Variants in KLHDC4 observed in about 807,000 individuals in gnomAD.
KLHDC4 encodes the protein kelch domain containing 4, also known as kelch domain-containing protein 4.
In KLHDC4, 90 loss-of-function variants were observed where a neutral mutation model predicts 62.4. The observed-to-expected ratio is 1.44, with a 90% CI of 1.22 to 1.72. The LOEUF is 1.72. KLHDC4 is among the 40% of genes most tolerant of loss of function. The pLI, the probability that KLHDC4 is intolerant of heterozygous loss-of-function variation, is 0.00. For missense variants in KLHDC4, 1,025 were observed against 699.7 expected, an observed-to-expected ratio of 1.47 and a Z score of -5.25; for synonymous variants, 386 against 284.4, an observed-to-expected ratio of 1.36 and a Z score of -3.59.
chr16:87,711,501 G>A lies in KLHDC4; in HGVS notation c.836-58C>T, dbSNP rs149401462. 1.4e-4 allele frequency: 213 copies of A among 1,470,784 alleles called. 1 individual carries two copies. In the East Asian group the frequency reaches 4.8e-3, roughly 33 times the overall value. The allele number at this position is 1,470,784 out of a possible 1,614,324, so 91.1% of individuals were successfully genotyped here. On this transcript the variant is annotated intron_variant, in intron 8 of 11. Transcript: ENST00000270583. Reference sequence around the variant, plus strand: ...ACACAAGGAAGGACCCTGAGAGCCAGCCCAGGACACGCTCAGGACCCCAGG... The same window carrying A: ...ACACAAGGAAGGACCCTGAGAGCCAACCCAGGACACGCTCAGGACCCCAGG...
At chr16:87,720,288 T>G (rs185807639) in intron 7 of KLHDC4, among the ~76,000 whole-genome samples, 1 of 152,176 alleles carries the variant, frequency 6.6e-6, no homozygotes, top group East Asian at 1.9e-4. Context: ...GCAGCACTGA[T>G]GTTCACCGAA....
In KLHDC4 at chr16:87,708,049, T is replaced by G; in HGVS notation, c.*28A>C. ...CCTGGGCGGACGTGGGCACAGCACT[T>G]GCCAGGCGCCCCTGGCAGGGGCTCT... On this transcript the variant is annotated 3_prime_UTR_variant, in exon 12 of 12. Coordinates refer to ENST00000270583, the MANE Select transcript of KLHDC4 (RefSeq NM_017566.4). 1.9e-6 allele frequency: 1 copy of G among 535,478 alleles called. No homozygotes were observed. Among genetic ancestry groups the G allele is most frequent in the Admixed American group, 2.2e-5 (1 of 44,658 alleles). The allele number at this position is 535,478 out of a possible 1,614,324, so 33.2% of individuals were successfully genotyped here.
intron 5 of KLHDC4, among the ~76,000 whole-genome samples, chr16:87,743,857 T>TA (rs1263162181): frequency 1.3e-5 from 2 of 152,048 alleles, no homozygotes; most frequent in East Asian, 1.9e-4. Context: ...CTTAAATAAA[T>TA]AAAAAAACCA....
chr16:87,757,519 T>A (rs953108161), intron 2 of KLHDC4: 1 of 149,936 alleles, frequency 6.7e-6, no homozygotes. Context: ...ATGCCAGATA[T>A]CTTCCATCTA....
At chr16:87,735,413 G>A (rs1419963245) in intron 5 of KLHDC4, among the ~76,000 whole-genome samples, 2 of 152,126 alleles carry the variant, frequency 1.3e-5, no homozygotes, top group African/African-American at 4.8e-5. Flanking sequence ...AACCAGCGAG[G>A]GAACACAGGC....
chr16:87,715,797 C>T (rs1305052975), intron 7 of KLHDC4, among the ~76,000 whole-genome samples: 2 of 152,232 alleles, frequency 1.3e-5, no homozygotes, highest in Non-Finnish European at 2.9e-5. Context: ...GACAGTTTCT[C>T]TTCAGCTCTA....
chr16:87,743,066 C>G (rs897529776), intron 5 of KLHDC4: 7 of 152,332 alleles, frequency 4.6e-5, no homozygotes, highest in African/African-American at 1.7e-4. Flanking sequence ...GGAGAACCAT[C>G]AGACATGAGG....
chr16:87,754,049 A>G (rs1462349134), intron 4 of KLHDC4, among the ~76,000 whole-genome samples: 3 of 151,406 alleles, frequency 2.0e-5, no homozygotes, highest in Non-Finnish European at 4.4e-5. Flanking sequence ...CTGAGGCAGG[A>G]GAATCCCTTG....
chr16:87,748,869 G>C (rs367670486), intron 4 of KLHDC4, 60 bp from the exon 5 acceptor site: 1 of 1,601,500 alleles, frequency 6.2e-7, no homozygotes, highest in Non-Finnish European at 8.5e-7. Context: ...CCAGTGTCAT[G>C]GGTGACCGGT....
chr16:87,719,108 T>G (rs1231418513), intron 7 of KLHDC4, among the ~76,000 whole-genome samples: 1 of 151,240 alleles, frequency 6.6e-6, no homozygotes, highest in Admixed American at 6.6e-5. Flanking sequence ...TGGATGCCTC[T>G]GCCCGGCTGC....
intron 7 of KLHDC4, among the ~76,000 whole-genome samples, chr16:87,715,856 A>G (rs762246210): frequency 2.0e-5 from 3 of 152,170 alleles, no homozygotes; most frequent in Non-Finnish European, 4.4e-5. Flanking sequence ...CTGTGGTCGC[A>G]GGGGTAGTGA....
At chr16:87,709,166 C>T in intron 10 of KLHDC4, 99 bp downstream of exon 10, 1 of 1,444,414 alleles carries the variant, frequency 6.9e-7, no homozygotes. Context: ...TCGGCACAGG[C>T]CGCCTCTGGG....
At chr16:87,726,093 T>C (rs2039321301) in intron 7 of KLHDC4, among the ~76,000 whole-genome samples, 1 of 152,146 alleles carries the variant, frequency 6.6e-6, no homozygotes. Flanking sequence ...ACTGTTTATA[T>C]TCAACCAATG....
rs1161423383 is a variant in KLHDC4, at chr16:87,711,307, C to G, written c.972G>C (p.Leu324=). ...ACAGATCGTTGAAGAACTCGCCCGA[C>G]AGGCTCTCCTCCTCTTCCTCGTCAC... is the stretch of plus-strand genomic sequence containing the variant. The part of the protein sequence containing the change: ...GVCDEEEEES[L]SGEFFNDLYF... Residue 324 remains leucine, a synonymous_variant, in exon 9 of 12, where the codon CTG becomes CTC. Coordinates refer to ENST00000270583, the MANE Select transcript of KLHDC4 (RefSeq NM_017566.4). 6.2e-7 allele frequency: 1 copy of G among 1,614,140 alleles called. No individual in the cohort carries two copies. The highest frequency in any genetic ancestry group is 8.5e-7 in the Non-Finnish European group (1 of 1,180,036).
In KLHDC4 at chr16:87,711,281, T is replaced by A; in HGVS notation, c.998A>T (p.Tyr333Phe). The stretch of plus-strand genomic sequence containing the variant: ...ACGGTTCCTGGTGGCGTCGTAGAAG[T>A]ACAGATCGTTGAAGAACTCGCCCGA... ...SLSGEFFNDL[Y>F]FYDATRNRWF... Residue 333 changes from tyrosine (Y) to phenylalanine (F), a missense_variant, in exon 9 of 12, where the codon TAC becomes TTC. Coordinates refer to ENST00000270583, the MANE Select transcript of KLHDC4 (RefSeq NM_017566.4). The A allele has an allele frequency of 6.2e-7, 1 of 1,614,114 alleles. No individual in the cohort carries two copies. Among genetic ancestry groups the A allele is most frequent in the Non-Finnish European group, 8.5e-7 (1 of 1,180,030 alleles).
At chr16:87,749,309 A>G (rs1381906589) in intron 4 of KLHDC4, among the ~76,000 whole-genome samples, 1 of 152,080 alleles carries the variant, frequency 6.6e-6, no homozygotes, top group Non-Finnish European at 1.5e-5. Flanking sequence ...TAATCCCAGC[A>G]CTTCGGGAGG....
chr16:87,706,149 G>GT (rs1447804762), downstream of KLHDC4, among the ~76,000 whole-genome samples: 1 of 124,582 alleles, frequency 8.0e-6, no homozygotes, highest in Non-Finnish European at 1.7e-5. Flanking sequence ...TCGCGGGGGG[G>GT]TCAGCGTAAT....
In KLHDC4 at chr16:87,715,181, T is replaced by C. The variant is rs189588545; in HGVS notation, c.760-608A>G. ...CTGGGACCTAAGGTTGTGAGGGAGATAGCCAGCAAAACGCTCACCCTGGGT... is the reference window on the plus strand; with the variant it reads ...CTGGGACCTAAGGTTGTGAGGGAGACAGCCAGCAAAACGCTCACCCTGGGT... On this transcript the variant is annotated intron_variant, in intron 7 of 11. Coordinates refer to ENST00000270583, the MANE Select transcript of KLHDC4 (RefSeq NM_017566.4). Among the ~76,000 whole-genome samples, 87 of 152,338 alleles carry C rather than the reference T, an allele frequency of 5.7e-4. 1 individual carries two copies. Among genetic ancestry groups the C allele is most frequent in the African/African-American group, 2.0e-3 (84 of 41,568 alleles).
At chr16:87,720,169 C>G (rs2080332372) in intron 7 of KLHDC4, among the ~76,000 whole-genome samples, 1 of 152,204 alleles carries the variant, frequency 6.6e-6, no homozygotes, top group African/African-American at 2.4e-5. Flanking sequence ...CCAGCTCAGG[C>G]CAGGTCACAG....
Sources: gnomAD v4.1 joint callset for allele counts (sites outside exome capture counted in the v4.1 genomes callset) on GRCh38, gnomAD v4.1.1 for gene constraint, MANE v1.5 for transcripts, NCBI Gene and HGNC (gene_info 2026-07-23, HGNC 2026-07-21) for gene names.